Variants in TRAK2 observed in about 807,000 individuals in gnomAD.
TRAK2 encodes trafficking kinesin protein 2.
Under a neutral mutation model 104.6 loss-of-function variants are expected in TRAK2, and 81 were observed. That is an observed-to-expected ratio of 0.77 (90% CI 0.65 to 0.93). TRAK2 has a LOEUF of 0.93. Among genes scored for constraint, TRAK2 ranks in the 40% least tolerant of loss-of-function variants. The probability of loss-of-function intolerance (pLI) is 0.00; values close to 1 mark genes in which losing one functional copy is unlikely to be tolerated. For synonymous variants in TRAK2, 406 were observed against 394.4 expected, an observed-to-expected ratio of 1.03 and a Z score of -0.35; for missense variants, 1,002 against 1,089.0, an observed-to-expected ratio of 0.92 and a Z score of 1.12.
intron 1 of TRAK2, among the ~76,000 whole-genome samples, chr2:201,426,060 C>T (rs1232913304): frequency 1.3e-5 from 2 of 152,176 alleles, no homozygotes; most frequent in Non-Finnish European, 2.9e-5. Context: ...CATCTTTGTT[C>T]TACAGCAGGG....
Position 201,420,437 on chromosome 2 carries a change from CTG to C in TRAK2, c.69_70del (p.His23GlnfsTer8). On this transcript the variant is annotated frameshift_variant, in exon 2 of 16. Coordinates refer to ENST00000332624, the MANE Select transcript of TRAK2 (RefSeq NM_015049.3). LOFTEE classifies it high-confidence loss of function. ...CTTACCAGTGATGCTCTCCGAGTCT[CTG>C]TGATTGCTATTCATGAGGTTTTCTT... 1.2e-6 allele frequency: 2 copies of C among 1,613,974 alleles called. No homozygotes were observed. Among genetic ancestry groups the C allele is most frequent in the Non-Finnish European group, 1.7e-6 (2 of 1,179,928 alleles).
At position 201,421,841 on chromosome 2, in the gene TRAK2, G is replaced by A. The variant is rs189918504; in HGVS notation, c.-199-1135C>T. Among the ~76,000 whole-genome samples, 40 of 152,026 alleles carry A rather than the reference G, an allele frequency of 2.6e-4. No individual in the cohort carries two copies. In the East Asian group the frequency reaches 6.0e-3, roughly 23 times the overall value. On this transcript the variant is annotated intron_variant, in intron 1 of 15. Transcript: ENST00000332624. ...AGGTGGGCCGATCACTTGAGGTAAGGGGTTCCAGACCAGCCTAGCCAACAT... is the reference window on the plus strand; with the variant it reads ...AGGTGGGCCGATCACTTGAGGTAAGAGGTTCCAGACCAGCCTAGCCAACAT...
chr2:201,388,041 C>T (rs756125443), intron 12 of TRAK2, 40 bp from the exon 13 acceptor site: 1 of 1,597,076 alleles, frequency 6.3e-7, no homozygotes, highest in Non-Finnish European at 8.6e-7. Context: ...TCTTGAGGAT[C>T]ATCAGCATGA....
intron 2 of TRAK2, chr2:201,413,175 A>T: frequency 6.6e-7 from 1 of 1,509,020 alleles, no homozygotes; most frequent in South Asian, 1.1e-5. Flanking sequence ...CTTCCAAGCT[A>T]GCCCACTGCC....
intron 2 of TRAK2, chr2:201,411,373 CT>C (rs61655478): frequency 0.29 from 217,880 of 749,082 alleles, 33,617 homozygotes; most frequent in Admixed American, 0.4. Context: ...AGAAGGTCTG[CT>C]CCAATGTGGC....
intron 15 of TRAK2, among the ~76,000 whole-genome samples, chr2:201,382,710 A>G (rs1478926161): frequency 6.6e-6 from 1 of 152,196 alleles, no homozygotes; most frequent in Non-Finnish European, 1.5e-5. Flanking sequence ...TGGGATCTTT[A>G]GTGGATATCA....
intron 2 of TRAK2, chr2:201,411,372 GC>G (rs869075831): frequency 1.4e-5 from 10 of 735,966 alleles, no homozygotes; most frequent in Non-Finnish European, 2.5e-5. Context: ...CAGAAGGTCT[GC>G]TCCAATGTGG....
At chr2:201,395,780 G>C (rs1226299916) in intron 7 of TRAK2, among the ~76,000 whole-genome samples, 3 of 152,142 alleles carry the variant, frequency 2.0e-5, no homozygotes, top group African/African-American at 7.2e-5. Context: ...GCTGAAAGGA[G>C]GGCAAGTGCA....
intron 2 of TRAK2, chr2:201,410,626 T>C (rs1559446339): frequency 7.7e-7 from 1 of 1,298,310 alleles, no homozygotes; most frequent in South Asian, 1.2e-5. Context: ...GTTCTGTGGG[T>C]TGAAGAAAGG....
intron 3 of TRAK2, 123 bp from the exon 4 acceptor site, chr2:201,401,217 A>G (rs920061754): frequency 5.4e-6 from 3 of 551,054 alleles, no homozygotes; most frequent in African/African-American, 3.9e-5. Flanking sequence ...CATTCAGGAG[A>G]ATAAAAATAT....
rs1559436212 is a variant in TRAK2, at chr2:201,384,005, A to G, written c.2069+106T>C. The G allele has an allele frequency of 5.4e-6, 4 of 741,908 alleles. No homozygotes were observed. The East Asian group carries it at 1.1e-4, about 20-fold the overall frequency. The allele number at this position is 741,908 out of a possible 1,614,324, so 46.0% of individuals were successfully genotyped here. A position where few individuals can be genotyped will look rare whatever the true frequency, so the allele number is the denominator to read the frequency against. ...TTCTAAAGACACATTATCACAGAAC[A>G]TTAATTAACATTCTGGAAATTAAAA... On this transcript the variant is annotated intron_variant, in intron 15 of 15. Transcript: ENST00000332624.
chr2:201,433,023 G>T (rs1017323935), intron 1 of TRAK2, among the ~76,000 whole-genome samples: 1 of 152,060 alleles, frequency 6.6e-6, no homozygotes, highest in Admixed American at 6.5e-5. Flanking sequence ...AATTTACCTT[G>T]TCCTCATAAA....
At chr2:201,389,914 T>C in intron 10 of TRAK2, 34 bp from the exon 11 acceptor site, 1 of 1,553,792 alleles carries the variant, frequency 6.4e-7, no homozygotes, top group Non-Finnish European at 8.9e-7. Context: ...CTAAAGTGAT[T>C]GTTGCCCTTA....
At chr2:201,420,254 G>A (rs1278205081) in intron 2 of TRAK2, among the ~76,000 whole-genome samples, 163 bp downstream of exon 2, 2 of 152,190 alleles carry the variant, frequency 1.3e-5, no homozygotes, top group Admixed American at 1.3e-4. Context: ...TAATGCGTCA[G>A]GGGACACAGG....
intron 3 of TRAK2, 90 bp downstream of exon 3, chr2:201,407,313 T>G: frequency 9.0e-7 from 1 of 1,106,678 alleles, no homozygotes; most frequent in Non-Finnish European, 1.3e-6. Flanking sequence ...GAACAATGGC[T>G]ACTAAACATC....
chr2:201,408,940 T>C (rs528449210), intron 2 of TRAK2, among the ~76,000 whole-genome samples: 32 of 152,358 alleles, frequency 2.1e-4, no homozygotes, highest in African/African-American at 7.5e-4. Flanking sequence ...ATCATTTTTA[T>C]TTTAAAGAAG....
At chr2:201,386,621 A>G in intron 13 of TRAK2, 137 bp from the exon 14 acceptor site, 1 of 1,188,616 alleles carries the variant, frequency 8.4e-7, no homozygotes, top group Non-Finnish European at 1.2e-6. Flanking sequence ...TAATTTGGTA[A>G]AAGCTGCAAA....
Position 201,389,317 on chromosome 2 carries a change from G to T in TRAK2, c.1380C>A (p.Ser460Arg). The change falls in exon 12 of 16, where the codon AGC (serine) becomes AGA (arginine). Residue 460 changes from serine (S) to arginine (R), a missense_variant. Coordinates refer to ENST00000332624, the MANE Select transcript of TRAK2 (RefSeq NM_015049.3). ...ATTCCTACCCTGCAACCTCCTCTGAGCTGCTCCCCTGGTTCAGGAGTGATT... is the reference window on the plus strand; with the variant it reads ...ATTCCTACCCTGCAACCTCCTCTGATCTGCTCCCCTGGTTCAGGAGTGATT... ...EDKSLLNQGS[S>R]SEEVAGSSQK... 6.2e-7 allele frequency: 1 copy of T among 1,614,156 alleles called. No homozygotes were observed. The highest frequency in any genetic ancestry group is 8.5e-7 in the Non-Finnish European group (1 of 1,180,022).
intron 1 of TRAK2, among the ~76,000 whole-genome samples, chr2:201,440,953 T>G (rs1056499562): frequency 6.6e-6 from 1 of 152,220 alleles, no homozygotes; most frequent in African/African-American, 2.4e-5. Flanking sequence ...GGGACCTTAT[T>G]TTTGTTATGT....
Sources: gnomAD v4.1 joint callset for allele counts (sites outside exome capture counted in the v4.1 genomes callset) on GRCh38, gnomAD v4.1.1 for gene constraint, MANE v1.5 for transcripts, NCBI Gene and HGNC (gene_info 2026-07-23, HGNC 2026-07-21) for gene names.